PCDH9: variants seen among roughly 807,000 people sequenced by gnomAD.
PCDH9 encodes protocadherin-9.
In PCDH9, 24 loss-of-function variants were observed where a neutral mutation model predicts 70.6. The ratio of observed to expected loss-of-function variants is 0.34; its 90% confidence interval spans 0.25 to 0.48. The LOEUF (loss-of-function observed/expected upper bound fraction) is 0.48. Among genes scored for constraint, PCDH9 ranks in the 20% least tolerant of loss-of-function variants. The probability of loss-of-function intolerance (pLI) is 0.99; values close to 1 mark genes in which losing one functional copy is unlikely to be tolerated. For synonymous variants in PCDH9, 562 were observed against 558.5 expected, an observed-to-expected ratio of 1.01 and a Z score of -0.09; for missense variants, 1,281 against 1,503.6, an observed-to-expected ratio of 0.85 and a Z score of 2.45.
intron 4 of PCDH9, among the ~76,000 whole-genome samples, chr13:66,446,082 T>C (rs1374965088): frequency 1.3e-5 from 2 of 151,908 alleles, no homozygotes; most frequent in Admixed American, 6.6e-5. Context: ...CGTTCAAAAC[T>C]AGCAGCTATT....
At chr13:66,814,857 T>A (rs2080572995) in intron 3 of PCDH9, among the ~76,000 whole-genome samples, 1 of 152,118 alleles carries the variant, frequency 6.6e-6, no homozygotes, top group Non-Finnish European at 1.5e-5. Flanking sequence ...TGGCAGAGAT[T>A]TCATGACAGG....
intron 4 of PCDH9, among the ~76,000 whole-genome samples, chr13:66,318,825 G>A (rs1399830164): frequency 6.6e-6 from 1 of 152,070 alleles, no homozygotes; most frequent in Non-Finnish European, 1.5e-5. Flanking sequence ...AATTAAATAT[G>A]CTTTATTATT....
chr13:67,134,473 G>A (rs957051619), intron 2 of PCDH9, among the ~76,000 whole-genome samples: 11 of 152,004 alleles, frequency 7.2e-5, no homozygotes, highest in Admixed American at 4.6e-4. Context: ...TGCTGTTCAC[G>A]CAGCATTGAG....
At chr13:67,134,593 C>CT (rs2087186066) in intron 2 of PCDH9, among the ~76,000 whole-genome samples, 4 of 152,008 alleles carry the variant, frequency 2.6e-5, no homozygotes, top group South Asian at 2.1e-4. Flanking sequence ...GCTTGTTTTT[C>CT]TTCCTTTCTT....
chr13:67,148,778 G>A (rs2087586236), intron 2 of PCDH9, among the ~76,000 whole-genome samples: 1 of 152,114 alleles, frequency 6.6e-6, no homozygotes, highest in South Asian at 2.1e-4. Context: ...TATTCTTAAA[G>A]GTTTCAGTCT....
rs554265823 is a variant in PCDH9, at chr13:66,316,096, A to G, written c.3341-11068T>C. 2.0e-5 allele frequency among the ~76,000 whole-genome samples: 3 copies of G among 152,108 alleles called. No homozygotes were observed. In the South Asian group the frequency reaches 6.2e-4, roughly 32 times the overall value. ...TCCTGGACATGTGACTCCTCCCTCTATCTTCAAAACACATCATTCTAACCT... is the reference window on the plus strand; with the variant it reads ...TCCTGGACATGTGACTCCTCCCTCTGTCTTCAAAACACATCATTCTAACCT... On this transcript the variant is annotated intron_variant, in intron 4 of 4. Transcript: ENST00000377865.
chr13:66,624,863 G>A lies in PCDH9; in HGVS notation c.3340+6347C>T, dbSNP rs188055138. Among the ~76,000 whole-genome samples, 3 of 152,246 alleles carry A rather than the reference G, an allele frequency of 2.0e-5. No individual in the cohort carries two copies. In the East Asian group the frequency reaches 5.8e-4, roughly 29 times the overall value. On this transcript the variant is annotated intron_variant, in intron 4 of 4. Coordinates refer to ENST00000377865, the MANE Select transcript of PCDH9 (RefSeq NM_203487.3). ...TAGAGAAAGAAAGAGGAAATAAAATGTGAGCTCAAGTATTTCATATATTGA... is the reference window on the plus strand; with the variant it reads ...TAGAGAAAGAAAGAGGAAATAAAATATGAGCTCAAGTATTTCATATATTGA...
chr13:66,317,966 G>T (rs1955684051), intron 4 of PCDH9, among the ~76,000 whole-genome samples: 1 of 152,162 alleles, frequency 6.6e-6, no homozygotes, highest in Admixed American at 6.5e-5. Context: ...ACTCTAAAAT[G>T]GGAAGAAATA....
chr13:67,135,387 T>C (rs1330878456), intron 2 of PCDH9, among the ~76,000 whole-genome samples: 2 of 152,260 alleles, frequency 1.3e-5, no homozygotes, highest in East Asian at 3.9e-4. Flanking sequence ...TAGCTATGTG[T>C]TTCCAATTTA....
At chr13:66,478,488 G>A (rs1227693471) in intron 4 of PCDH9, among the ~76,000 whole-genome samples, 1 of 152,186 alleles carries the variant, frequency 6.6e-6, no homozygotes, top group African/African-American at 2.4e-5. Context: ...CAAACAATTA[G>A]CAAGTTATGA....
rs764023951 is a variant in PCDH9, at chr13:67,228,270, C to T, written c.171G>A (p.Gly57=). 13 of 1,613,772 alleles carry T rather than the reference C, an allele frequency of 8.1e-6. No individual in the cohort carries two copies. The South Asian group carries it at 1.3e-4, about 16-fold the overall frequency. ...GTCTGTAGACAAGGCTGGCGCTGGT[C>T]CCTGTGGCAGCATTGATGTGAGAAA... The part of the protein sequence containing the change: ...LNISHINAAT[G]TSASLVYRLV... The change falls in exon 2 of 5, where the codon GGG becomes GGA. Residue 57 remains glycine, a synonymous_variant. Transcript: ENST00000377865.
chr13:67,016,070 T>C (rs2084554487), intron 2 of PCDH9, among the ~76,000 whole-genome samples: 1 of 152,144 alleles, frequency 6.6e-6, no homozygotes, highest in Admixed American at 6.6e-5. Flanking sequence ...ATGAGGTTAA[T>C]TCAATACCAA....
chr13:67,039,450 A>T (rs1035487881), intron 2 of PCDH9, among the ~76,000 whole-genome samples: 1 of 152,110 alleles, frequency 6.6e-6, no homozygotes, highest in Non-Finnish European at 1.5e-5. Flanking sequence ...ATCCAATCAG[A>T]CCACACCTCA....
At chr13:66,378,879 C>A (rs1956794121) in intron 4 of PCDH9, among the ~76,000 whole-genome samples, 1 of 151,814 alleles carries the variant, frequency 6.6e-6, no homozygotes, top group African/African-American at 2.4e-5. Flanking sequence ...GTAGGTCATT[C>A]AATTCTGTGA....
chr13:66,832,709 TA>T (rs1451141949), intron 3 of PCDH9, among the ~76,000 whole-genome samples: 3 of 152,138 alleles, frequency 2.0e-5, no homozygotes, highest in Admixed American at 6.5e-5. Context: ...AAAATGTATA[TA>T]TTTTTCCGTG....
At chr13:66,997,322 A>T (rs1226173174) in intron 2 of PCDH9, among the ~76,000 whole-genome samples, 2 of 152,144 alleles carry the variant, frequency 1.3e-5, no homozygotes, top group Non-Finnish European at 2.9e-5. Flanking sequence ...CCAGCATATC[A>T]CATGGCAAGG....
At chr13:66,458,969 T>C (rs968150366) in intron 4 of PCDH9, among the ~76,000 whole-genome samples, 7 of 151,972 alleles carry the variant, frequency 4.6e-5, no homozygotes, top group Admixed American at 3.3e-4. Flanking sequence ...ATCAGGGTTA[T>C]CAAATGAAAT....
intron 3 of PCDH9, among the ~76,000 whole-genome samples, chr13:66,855,207 T>A (rs1419953349): frequency 6.6e-6 from 1 of 152,102 alleles, no homozygotes; most frequent in East Asian, 1.9e-4. Context: ...GATCATGTCC[T>A]TGTGATTCTA....
At chr13:66,776,769 GA>G (rs2079901308) in intron 3 of PCDH9, among the ~76,000 whole-genome samples, 1 of 149,824 alleles carries the variant, frequency 6.7e-6, no homozygotes, top group East Asian at 2.0e-4. Context: ...CACAGAATTG[GA>G]AAAAACTACT....
Sources: gnomAD v4.1 joint callset for allele counts (sites outside exome capture counted in the v4.1 genomes callset) on GRCh38, gnomAD v4.1.1 for gene constraint, MANE v1.5 for transcripts, NCBI Gene and HGNC (gene_info 2026-07-23, HGNC 2026-07-21) for gene names.